Variants in ANO1 observed in about 807,000 individuals in gnomAD.
ANO1 encodes the protein anoctamin-1.
ANO1 carries 59 observed loss-of-function variants against 124.0 expected under a neutral mutation model. The ratio of observed to expected loss-of-function variants is 0.48; its 90% CI spans 0.39 to 0.59. The LOEUF is 0.59. Ranked by LOEUF, ANO1 falls within the 20% of genes least tolerant of loss-of-function variation. ANO1 has a pLI of 0.00. For missense variants in ANO1, 1,059 were observed against 1,328.0 expected (o/e 0.80, Z 3.15); for synonymous variants, 529 against 532.0 (o/e 0.99, Z 0.08).
At chr11:70,165,232 C>T in intron 19 of ANO1, 1 of 537,466 alleles carries the variant, frequency 1.9e-6, no homozygotes, top group East Asian at 3.3e-5. Flanking sequence ...GGACATCAGT[C>T]CTCAGATGGG....
intron 1 of ANO1, among the ~76,000 whole-genome samples, chr11:70,053,688 C>A (rs1274412755): frequency 6.6e-6 from 1 of 152,018 alleles, no homozygotes; most frequent in African/African-American, 2.4e-5. Context: ...TTGTAATATC[C>A]TTTTCAGGTT....
At chr11:70,066,608 C>T (rs1475102980) in intron 1 of ANO1, among the ~76,000 whole-genome samples, 2 of 150,838 alleles carry the variant, frequency 1.3e-5, no homozygotes, top group East Asian at 3.9e-4. Context: ...TGGAGTCCTC[C>T]TCTCCTTGGT....
intron 1 of ANO1, among the ~76,000 whole-genome samples, chr11:70,054,199 A>AG (rs1178850761): frequency 6.6e-6 from 1 of 152,210 alleles, no homozygotes; most frequent in Non-Finnish European, 1.5e-5. Context: ...CTGCACACCC[A>AG]GGGCCCACAC....
At chr11:70,056,209 A>T (rs1857432297) in intron 1 of ANO1, 1 of 152,080 alleles carries the variant, frequency 6.6e-6, no homozygotes, top group African/African-American at 2.4e-5. Flanking sequence ...GTCTGCTGGA[A>T]ATGAATTCTC....
At chr11:70,166,813 G>A (rs1236263664) in intron 20 of ANO1, among the ~76,000 whole-genome samples, 2 of 152,188 alleles carry the variant, frequency 1.3e-5, no homozygotes, top group Non-Finnish European at 2.9e-5. Flanking sequence ...AGAAATGATG[G>A]CAAACAAGTA....
chr11:70,048,886 C>G (rs1032036887), intron 1 of ANO1, among the ~76,000 whole-genome samples: 2 of 152,102 alleles, frequency 1.3e-5, no homozygotes, highest in Non-Finnish European at 2.9e-5. Context: ...GGATCCTGGA[C>G]AGTGTGTTTG....
chr11:69,986,100 G>C (rs1554996843), exon 1 of ANO1: 1 of 152,354 alleles, frequency 6.6e-6, no homozygotes, highest in Non-Finnish European at 1.5e-5. Context: ...GTCGCGCAGC[G>C]AACGCGCCAT....
intron 1 of ANO1, among the ~76,000 whole-genome samples, chr11:70,007,273 C>CTTTTT (rs71046569): frequency 2.2e-5 from 3 of 134,698 alleles, no homozygotes; most frequent in Non-Finnish European, 4.8e-5. Context: ...TCCTTTCTTT[C>CTTTTT]TTTTTTTTTT....
chr11:70,053,394 A>G (rs904521412), intron 1 of ANO1, among the ~76,000 whole-genome samples: 6 of 152,210 alleles, frequency 3.9e-5, no homozygotes, highest in Non-Finnish European at 8.8e-5. Flanking sequence ...ACTATTTAAC[A>G]TGCCATTTGT....
intron 1 of ANO1, among the ~76,000 whole-genome samples, chr11:70,006,632 C>T (rs1591029618): frequency 1.3e-4 from 16 of 122,788 alleles, no homozygotes; most frequent in Admixed American, 2.4e-4. Context: ...TTTCTTCTTT[C>T]TTTTCTTTCT....
At chr11:70,094,093 C>T (rs894889125) in intron 2 of ANO1, among the ~76,000 whole-genome samples, 3 of 152,332 alleles carry the variant, frequency 2.0e-5, no homozygotes, top group Middle Eastern at 3.4e-3. Context: ...AGCTGGCCAG[C>T]GTTGGCTGTA....
chr11:70,079,734 G>A (rs1211540957), intron 1 of ANO1, among the ~76,000 whole-genome samples: 3 of 152,230 alleles, frequency 2.0e-5, no homozygotes, highest in East Asian at 1.9e-4. Flanking sequence ...GGATGAGGAT[G>A]GCCCTGGCCT....
intron 10 of ANO1, among the ~76,000 whole-genome samples, chr11:70,127,110 C>G (rs1468594396): frequency 6.9e-6 from 1 of 144,482 alleles, no homozygotes; most frequent in African/African-American, 2.6e-5. Flanking sequence ...GGCCTCGGTG[C>G]AGTCTGGTGC....
chr11:70,142,610 C>T (rs996494735), intron 11 of ANO1, among the ~76,000 whole-genome samples: 1 of 152,170 alleles, frequency 6.6e-6, no homozygotes, highest in African/African-American at 2.4e-5. Flanking sequence ...TTGCACTTCT[C>T]GGGAACTGGA....
At chr11:70,029,798 C>T (rs1278662072) in intron 1 of ANO1, among the ~76,000 whole-genome samples, 2 of 152,182 alleles carry the variant, frequency 1.3e-5, no homozygotes, top group Non-Finnish European at 2.9e-5. Context: ...CCTGCCTCTT[C>T]GAGCTTCCCG....
Position 70,185,607 on chromosome 11 carries a change from A to C in ANO1, c.2606A>C (p.Glu869Ala), listed in dbSNP as rs529433183. The C allele has an allele frequency of 5.0e-6, 8 of 1,613,874 alleles. No individual in the cohort carries two copies. In the East Asian group the frequency reaches 1.8e-4, roughly 36 times the overall value. ...VQICRYKDYR[E>A]PPWSENKYDI... The stretch of plus-strand genomic sequence containing the variant: ...TTTTGCAGGTATAAAGACTACCGAG[A>C]GCCGCCGTGGTCGGAAAACAAGTAC... The change falls in exon 25 of 26, where the codon GAG (glutamate) becomes GCG (alanine). Residue 869 changes from glutamate to alanine, a missense_variant. Transcript: ENST00000355303.
chr11:70,085,396 G>A (rs2044332088), intron 1 of ANO1: 1 of 1,504,290 alleles, frequency 6.6e-7, no homozygotes. Context: ...TTGTCACAGA[G>A]GGCAAGGTGG....
intron 1 of ANO1, among the ~76,000 whole-genome samples, chr11:70,083,002 GAC>G (rs2044249070): frequency 6.6e-6 from 1 of 152,134 alleles, no homozygotes; most frequent in Admixed American, 6.5e-5. Flanking sequence ...CAGGCGCTGG[GAC>G]TCCCACACCT....
chr11:70,185,400 C>T lies in ANO1; in HGVS notation c.2589-190C>T, dbSNP rs191958207. On this transcript the variant is annotated intron_variant, in intron 24 of 25. Coordinates refer to ENST00000355303, the MANE Select transcript of ANO1 (RefSeq NM_018043.7). ...TGGCCCATGGGGGATCCTGACCAAC[C>T]CCCTCCACTGTGGAGAGAGACTCCG... 5.7e-3 allele frequency among the ~76,000 whole-genome samples: 875 copies of T among 152,280 alleles called. 12 individuals carry two copies. The highest frequency in any genetic ancestry group is 0.02 in the African/African-American group (849 of 41,574).
Sources: gnomAD v4.1 joint callset for allele counts (sites outside exome capture counted in the v4.1 genomes callset) on GRCh38, gnomAD v4.1.1 for gene constraint, MANE v1.5 for transcripts, NCBI Gene and HGNC (gene_info 2026-07-23, HGNC 2026-07-21) for gene names.